Variants in AKAP12 observed in about 807,000 individuals in gnomAD.
The protein encoded by AKAP12 is A-kinase anchoring protein 12, also known as A-kinase anchor protein 12.
A neutral mutation model predicts 79.9 loss-of-function variants in AKAP12; 32 were observed. The ratio of observed to expected loss-of-function variants is 0.40; its 90% CI spans 0.30 to 0.54. The LOEUF (loss-of-function observed/expected upper bound fraction) is 0.54. AKAP12 is among the 20% of genes least tolerant of loss of function. The pLI, the probability that AKAP12 is intolerant of heterozygous loss-of-function variation, is 0.48. For synonymous variants in AKAP12, 808 were observed against 857.0 expected, an observed-to-expected ratio of 0.94 and a Z score of 1.00; for missense variants, 2,074 against 2,177.0, an observed-to-expected ratio of 0.95 and a Z score of 0.94.
chr6:151,332,471 C>A (rs1582887505), intron 3 of AKAP12, among the ~76,000 whole-genome samples: 1 of 152,132 alleles, frequency 6.6e-6, no homozygotes, highest in Non-Finnish European at 1.5e-5. Flanking sequence ...ATGTTTTCAG[C>A]ATATTGACCC....
chr6:151,283,135 T>C (rs1002769759), intron 2 of AKAP12, among the ~76,000 whole-genome samples: 2 of 152,148 alleles, frequency 1.3e-5, no homozygotes, highest in Admixed American at 6.5e-5. Context: ...AGGCACACTT[T>C]AGGAACTAAA....
At chr6:151,279,841 G>C (rs1036069298) in intron 2 of AKAP12, among the ~76,000 whole-genome samples, 39 of 151,538 alleles carry the variant, frequency 2.6e-4, no homozygotes, top group Non-Finnish European at 4.4e-4. Flanking sequence ...AGTGAGACCT[G>C]GTCTCTTTAA....
intron 2 of AKAP12, among the ~76,000 whole-genome samples, chr6:151,268,945 G>GT (rs558502756): frequency 0.09 from 6,864 of 76,464 alleles, 1,600 homozygotes; most frequent in Non-Finnish European, 0.13. Flanking sequence ...TGCTCGGCCT[G>GT]TTTTTTTTTT....
intron 2 of AKAP12, among the ~76,000 whole-genome samples, chr6:151,280,826 G>T (rs1181493556): frequency 1.3e-5 from 2 of 151,616 alleles, no homozygotes; most frequent in African/African-American, 4.8e-5. Flanking sequence ...TGAAAATATT[G>T]TAATATTAGA....
chr6:151,280,171 T>C (rs1032190468), intron 2 of AKAP12, among the ~76,000 whole-genome samples: 30 of 152,226 alleles, frequency 2.0e-4, no homozygotes, highest in Admixed American at 1.0e-3. Context: ...ATATGTTCAG[T>C]GACATGGATA....
chr6:151,278,852 A>G (rs1010141069), intron 2 of AKAP12, among the ~76,000 whole-genome samples: 42 of 151,890 alleles, frequency 2.8e-4, no homozygotes, highest in African/African-American at 9.9e-4. Flanking sequence ...TATTTTTAGT[A>G]GAGACAGGGT....
chr6:151,336,681 G>A (rs1157612640), intron 3 of AKAP12, among the ~76,000 whole-genome samples: 1 of 152,218 alleles, frequency 6.6e-6, no homozygotes, highest in Non-Finnish European at 1.5e-5. Context: ...GGTGGAGGTT[G>A]CAGTGGAACT....
chr6:151,274,635 A>G (rs960196658), intron 2 of AKAP12, among the ~76,000 whole-genome samples: 1 of 152,180 alleles, frequency 6.6e-6, no homozygotes, highest in Non-Finnish European at 1.5e-5. Flanking sequence ...AAATATAACA[A>G]AAAATAGAAG....
At chr6:151,294,445 C>A (rs562702411) in intron 2 of AKAP12, among the ~76,000 whole-genome samples, 2 of 152,174 alleles carry the variant, frequency 1.3e-5, no homozygotes, top group Non-Finnish European at 2.9e-5. Context: ...AGGAAGATAC[C>A]GGTTGTATCA....
Position 151,350,687 on chromosome 6 carries a change from G to A in AKAP12, c.2296G>A (p.Val766Ile). Residue 766 changes from valine to isoleucine, a missense_variant, in exon 4 of 5, where the codon GTC (valine) becomes ATC (isoleucine). Around this residue, in one of 3 missense-constraint regions of AKAP12, gnomAD observed 1,428 missense variants for 1,451.0 expected, o/e 0.98. Transcript: ENST00000402676. This position sits in a 1 kb window ranked among gnomAD's most constrained non-coding sequence, Gnocchi z 4.8. ...VSTWESFKRL[V>I]TPRKKSKSKL... ...CACCTGGGAGTCATTTAAAAGGTTA[G>A]TCACGCCAAGAAAAAAATCAAAGTC... is the stretch of plus-strand genomic sequence containing the variant. 6.2e-7 allele frequency: 1 copy of A among 1,613,826 alleles called. No homozygotes were observed. The highest frequency in any genetic ancestry group is 8.5e-7 in the Non-Finnish European group (1 of 1,179,968).
rs184205573 is a variant in AKAP12 at position 151,302,693 on chromosome 6, T to C, written c.163-3054T>C. Among the ~76,000 whole-genome samples the C allele has an allele frequency of 9.9e-5, 15 of 152,274 alleles. No homozygotes were observed. In the East Asian group the frequency reaches 2.1e-3, roughly 22 times the overall value. Reference sequence around the variant, plus strand: ...TTGACCGAAGTTTATTGCATTGAAATTGAGGTATTAAGATGGCTTTTTTAT... The same window carrying C: ...TTGACCGAAGTTTATTGCATTGAAACTGAGGTATTAAGATGGCTTTTTTAT... On this transcript the variant is annotated intron_variant, in intron 2 of 4. Coordinates refer to ENST00000402676, the MANE Select transcript of AKAP12 (RefSeq NM_005100.4).
chr6:151,297,241 G>T (rs1480236373), intron 2 of AKAP12, among the ~76,000 whole-genome samples: 2 of 151,306 alleles, frequency 1.3e-5, no homozygotes, highest in Non-Finnish European at 3.0e-5. Context: ...ACTTGCCCTC[G>T]CAACCTGAGG....
At chr6:151,253,932 C>T (rs1797240472) in intron 2 of AKAP12, among the ~76,000 whole-genome samples, 1 of 152,102 alleles carries the variant, frequency 6.6e-6, no homozygotes, top group Non-Finnish European at 1.5e-5. Flanking sequence ...TGGTCTCCAA[C>T]TCCTGACCTC....
At chr6:151,348,680 T>TGGGG in intron 3 of AKAP12, 31 bp from the exon 4 acceptor site, 4 of 355,200 alleles carry the variant, frequency 1.1e-5, no homozygotes, top group Middle Eastern at 8.1e-4. Flanking sequence ...TTTTCTCTTC[T>TGGGG]CCCCACCCCC....
rs59149729 is a variant in AKAP12, at chr6:151,320,891, T to C, written c.319+14988T>C. On this transcript the variant is annotated intron_variant, in intron 3 of 4. Coordinates refer to ENST00000402676, the MANE Select transcript of AKAP12 (RefSeq NM_005100.4). Reference sequence around the variant, plus strand: ...GAGCTGTAATTCACATACTATGCAGTTGACCCATTTAAAGTACACAGTTCA... The same window carrying C: ...GAGCTGTAATTCACATACTATGCAGCTGACCCATTTAAAGTACACAGTTCA... Among the ~76,000 whole-genome samples the C allele has an allele frequency of 7.7e-3, 1,177 of 152,312 alleles. 17 individuals carry two copies. The highest frequency in any genetic ancestry group is 0.027 in the African/African-American group (1,118 of 41,564).
Position 151,259,515 on chromosome 6 carries a change from C to T in AKAP12, c.162+18791C>T, listed in dbSNP as rs1241368948. 8.2e-5 allele frequency among the ~76,000 whole-genome samples: 11 copies of T among 134,372 alleles called. No individual in the cohort carries two copies. The East Asian group carries it at 8.2e-4, about 10-fold the overall frequency. 88.2% of individuals were successfully genotyped at this position (134,372 alleles called of 152,430 possible). A position where few individuals can be genotyped will look rare whatever the true frequency, so the allele number is the denominator to read the frequency against. ...ACATATACATGTATATATATATACA[C>T]ACACACACACACACACACACACACA... On this transcript the variant is annotated intron_variant, in intron 2 of 4. Coordinates refer to ENST00000402676, the MANE Select transcript of AKAP12 (RefSeq NM_005100.4).
At position 151,352,543 on chromosome 6, in the gene AKAP12, T is replaced by C. The variant is rs368941356; in HGVS notation, c.4152T>C (p.Asp1384=). Residue 1384 remains aspartate (D), a synonymous_variant, in exon 4 of 5, where the codon GAT becomes GAC. Coordinates refer to ENST00000402676, the MANE Select transcript of AKAP12 (RefSeq NM_005100.4). ...LLQTVNVPII[D]GAKEVSSLEG... ...AGACAGTGAATGTGCCCATCATAGA[T>C]GGGGCAAAGGAAGTCAGCAGTTTGG... 5.8e-5 allele frequency: 94 copies of C among 1,613,994 alleles called. No individual in the cohort carries two copies. Among genetic ancestry groups the C allele is most frequent in the Non-Finnish European group, 7.8e-5 (92 of 1,180,026 alleles).
chr6:151,265,794 A>G (rs1316640869), intron 2 of AKAP12, among the ~76,000 whole-genome samples: 2 of 152,186 alleles, frequency 1.3e-5, no homozygotes, highest in African/African-American at 2.4e-5. Context: ...GATGATTATA[A>G]TAACCTTCCT....
intron 2 of AKAP12, among the ~76,000 whole-genome samples, chr6:151,259,975 G>A (rs1051374431): frequency 2.6e-5 from 4 of 152,002 alleles, no homozygotes; most frequent in Admixed American, 2.0e-4. Context: ...CCAATTTGGG[G>A]CATTCCACCT....
Sources: gnomAD v4.1 joint callset for allele counts (sites outside exome capture counted in the v4.1 genomes callset) on GRCh38, gnomAD v4.1.1 for gene constraint, gnomAD v4.1.1 regional missense constraint, Gnocchi (gnomAD v3.1) non-coding constraint, MANE v1.5 for transcripts, NCBI Gene and HGNC (gene_info 2026-07-23, HGNC 2026-07-21) for gene names.